Variants in C6orf52 observed in about 807,000 individuals in gnomAD.
C6orf52 encodes putative uncharacterized protein C6orf52.
A neutral mutation model predicts 16.6 loss-of-function variants in C6orf52; 16 were observed. The observed-to-expected ratio is 0.96, with a 90% CI of 0.65 to 1.46. C6orf52 has a LOEUF of 1.46. Among genes scored for constraint, C6orf52 ranks in the 40% most tolerant of loss-of-function variants. The pLI is 0.00. For synonymous variants in C6orf52, 53 were observed against 61.4 expected (o/e 0.86, Z 0.64); for missense variants, 166 against 182.3 (o/e 0.91, Z 0.52).
intron 2 of C6orf52, 76 bp downstream of exon 2, chr6:10,687,404 T>G (rs938853097): frequency 1.9e-5 from 22 of 1,167,948 alleles, no homozygotes; most frequent in Non-Finnish European, 2.4e-5. Flanking sequence ...AAGCCATAGT[T>G]TGTAAGTTAC....
intron 1 of C6orf52, 97 bp from the exon 2 acceptor site, chr6:10,687,658 C>T (rs1768975529): frequency 1.4e-6 from 1 of 734,584 alleles, no homozygotes; most frequent in Non-Finnish European, 2.4e-6. Flanking sequence ...AGTCTCGCAA[C>T]TACATCTGAG....
intron 1 of C6orf52, among the ~76,000 whole-genome samples, chr6:10,690,041 A>C (rs1380603858): frequency 1.3e-5 from 2 of 152,216 alleles, no homozygotes; most frequent in Non-Finnish European, 2.9e-5. Context: ...TAACCAGGTA[A>C]GCATTGAGGC....
At chr6:10,690,493 G>A (rs1457299113) in intron 1 of C6orf52, among the ~76,000 whole-genome samples, 1 of 152,108 alleles carries the variant, frequency 6.6e-6, no homozygotes, top group African/African-American at 2.4e-5. Context: ...TTGAGAAAGA[G>A]GAGAATTCAG....
intron 1 of C6orf52, among the ~76,000 whole-genome samples, chr6:10,692,722 A>G (rs984529598): frequency 6.6e-6 from 1 of 151,670 alleles, no homozygotes; most frequent in Non-Finnish European, 1.5e-5. Context: ...GCGTCTGGCC[A>G]TTTTATTTTA....
chr6:10,691,399 G>T (rs755980237), intron 1 of C6orf52, among the ~76,000 whole-genome samples: 1 of 150,276 alleles, frequency 6.7e-6, no homozygotes, highest in East Asian at 1.9e-4. Context: ...CTGAGCAAGC[G>T]GGGGTACATG....
At chr6:10,672,622 C>T (rs1344294314) in intron 4 of C6orf52, 1 of 695,800 alleles carries the variant, frequency 1.4e-6, no homozygotes, top group Non-Finnish European at 2.6e-6. Flanking sequence ...GCCTGGGCAA[C>T]ATACTGAGAC....
chr6:10,687,397 C>A, intron 2 of C6orf52, 83 bp downstream of exon 2: 1 of 1,080,960 alleles, frequency 9.3e-7, no homozygotes, highest in Non-Finnish European at 1.3e-6. Flanking sequence ...AAAAAAAAAG[C>A]CATAGTTTGT....
chr6:10,689,056 C>T (rs1367243234), intron 1 of C6orf52, among the ~76,000 whole-genome samples: 2 of 152,216 alleles, frequency 1.3e-5, no homozygotes, highest in East Asian at 1.9e-4. Context: ...CTCCTCACTG[C>T]AACCTGTGCC....
chr6:10,675,044 C>T (rs1038380572), intron 4 of C6orf52, among the ~76,000 whole-genome samples: 16 of 151,980 alleles, frequency 1.1e-4, no homozygotes, highest in African/African-American at 3.6e-4. Flanking sequence ...CTCTTGACCT[C>T]GTGATCCACC....
In C6orf52 at chr6:10,687,039, T is replaced by C; in HGVS notation, c.197A>G (p.Asp66Gly). The C allele has an allele frequency of 6.4e-7, 1 of 1,551,710 alleles. No individual in the cohort carries two copies. Among genetic ancestry groups the C allele is most frequent in the African/African-American group, 1.4e-5 (1 of 73,150 alleles). ...LSGYSYGCAV[D>G]GNGKDCFSAH... Reference sequence around the variant, plus strand: ...AGAAAAACAGTCCTTTCCATTTCCATCCACTGCACAGCCATAGCTGTAGCC... The same window carrying C: ...AGAAAAACAGTCCTTTCCATTTCCACCCACTGCACAGCCATAGCTGTAGCC... Residue 66 changes from aspartate to glycine, a missense_variant, in exon 3 of 5, where the codon GAT (aspartate) becomes GGT (glycine). Asp to Gly is a moderately conservative substitution (Grantham distance 94). Transcript: ENST00000259983.
chr6:10,687,874 G>A (rs1768992187), intron 1 of C6orf52, among the ~76,000 whole-genome samples: 1 of 152,114 alleles, frequency 6.6e-6, no homozygotes, highest in Non-Finnish European at 1.5e-5. Context: ...GACAGAAGGG[G>A]TAGGTATGTT....
At chr6:10,683,418 T>C (rs1168967629) in intron 3 of C6orf52, among the ~76,000 whole-genome samples, 186 bp from the exon 4 acceptor site, 1 of 152,190 alleles carries the variant, frequency 6.6e-6, no homozygotes, top group Admixed American at 6.5e-5. Context: ...ATAGTACAAT[T>C]ATGAAAGAAG....
intron 4 of C6orf52, chr6:10,674,759 C>T (rs1304236156): frequency 2.0e-5 from 3 of 150,730 alleles, no homozygotes; most frequent in Non-Finnish European, 2.9e-5. Context: ...TCACTACCTT[C>T]GAATTAGCCT....
Position 10,687,553 on chromosome 6 carries a change from A to C in C6orf52, c.-3T>G. Reference sequence around the variant, plus strand: ...GCAGAACTCTCTGGTTGGGCCATTTACCCAGAAACTTTACAAAAAGAGAGC... The same window carrying C: ...GCAGAACTCTCTGGTTGGGCCATTTCCCCAGAAACTTTACAAAAAGAGAGC... On this transcript the variant is annotated 5_prime_UTR_variant, in exon 2 of 5. Transcript: ENST00000259983. 2 of 1,547,896 alleles carry C rather than the reference A, an allele frequency of 1.3e-6. No homozygotes were observed. The highest frequency in any genetic ancestry group is 1.7e-6 in the Non-Finnish European group (2 of 1,144,292).
rs574899089 is a variant in C6orf52, at chr6:10,672,310, G to T, written c.317-712C>A. ...TTTTTGCAAGCCTTAGTTCCTTGAG[G>T]ATCATAATTTGCTTCCTAATACTCA... On this transcript the variant is annotated intron_variant, in intron 4 of 4. Coordinates refer to ENST00000259983, the MANE Select transcript of C6orf52 (RefSeq NM_001145020.3). Among the ~76,000 whole-genome samples, 72 of 152,176 alleles carry T rather than the reference G, an allele frequency of 4.7e-4. 1 individual carries two copies. In the South Asian group the frequency reaches 0.014, roughly 30 times the overall value.
chr6:10,673,457 G>A (rs1455603409), intron 4 of C6orf52, among the ~76,000 whole-genome samples: 1 of 152,210 alleles, frequency 6.6e-6, no homozygotes, highest in African/African-American at 2.4e-5. Context: ...CAGCTATTGA[G>A]CATTGCTGGC....
In C6orf52 at chr6:10,687,231, T is replaced by C. The variant is rs144519361; in HGVS notation, c.72-67A>G. 6.4e-4 allele frequency: 789 copies of C among 1,232,080 alleles called. 8 individuals are homozygous for C. In the African/African-American group the frequency reaches 9.6e-3, roughly 15 times the overall value. 76.3% of individuals were successfully genotyped at this position (1,232,080 alleles called of 1,614,324 possible). A position where few individuals can be genotyped will look rare whatever the true frequency, so the allele number is the denominator to read the frequency against. ...ACAAACCCCCAAACCCTTTCTTCTT[T>C]CCAGGAAGTTTGCAGTAAGCTGAAC... On this transcript the variant is annotated intron_variant, in intron 2 of 4. Coordinates refer to ENST00000259983, the MANE Select transcript of C6orf52 (RefSeq NM_001145020.3).
chr6:10,690,386 T>C (rs1332619398), intron 1 of C6orf52, among the ~76,000 whole-genome samples: 1 of 152,150 alleles, frequency 6.6e-6, no homozygotes, highest in Non-Finnish European at 1.5e-5. Context: ...TCCACTTCCC[T>C]TCGTGCTGGA....
rs1767428241 is a variant in C6orf52, at chr6:10,671,593, G to A, written c.322C>T (p.His108Tyr). The A allele has an allele frequency of 1.3e-6, 2 of 1,540,474 alleles. No individual in the cohort carries two copies. The highest frequency in any genetic ancestry group is 1.8e-6 in the Non-Finnish European group (2 of 1,141,006). The change falls in exon 5 of 5, where the codon CAT (histidine) becomes TAT (tyrosine). Residue 108 changes from histidine (H) to tyrosine (Y), a missense_variant. By Grantham distance (83) the His-to-Tyr change is moderately conservative. Coordinates refer to ENST00000259983, the MANE Select transcript of C6orf52 (RefSeq NM_001145020.3). ...NQDEDPLEDP[H>Y]LHLNIEESNQ... ...GATTCCTCAATATTCAAATGAAGAT[G>A]TGGATCTGCAGAAGCCAATAATGGA...
Sources: gnomAD v4.1 joint callset for allele counts (sites outside exome capture counted in the v4.1 genomes callset) on GRCh38, gnomAD v4.1.1 for gene constraint, MANE v1.5 for transcripts, NCBI Gene and HGNC (gene_info 2026-07-23, HGNC 2026-07-21) for gene names.